DAB1: variants seen among roughly 807,000 people sequenced by gnomAD.
DAB1 encodes the protein DAB adaptor protein 1.
DAB1 carries 15 observed loss-of-function variants against 64.6 expected under a neutral mutation model. The observed-to-expected ratio is 0.23, with a 90% CI of 0.16 to 0.36. The LOEUF (loss-of-function observed/expected upper bound fraction) is 0.36. DAB1 is among the 10% of genes least tolerant of loss of function. DAB1 has a pLI of 1.00. For synonymous variants in DAB1, 235 were observed against 251.9 expected (o/e 0.93, Z 0.64); for missense variants, 596 against 706.7 (o/e 0.84, Z 1.78).
intron 2 of DAB1, among the ~76,000 whole-genome samples, chr1:58,526,369 A>G (rs545415235): frequency 2.8e-4 from 43 of 152,258 alleles, no homozygotes; most frequent in African/African-American, 9.6e-4. Flanking sequence ...AATAGTTTTA[A>G]TAACTACCAG....
chr1:58,392,282 C>T (rs2100556112), intron 3 of DAB1, among the ~76,000 whole-genome samples: 1 of 152,316 alleles, frequency 6.6e-6, no homozygotes, highest in East Asian at 1.9e-4. Flanking sequence ...CACGTTTAAC[C>T]ACAGTGACCT....
intron 1 of DAB1, among the ~76,000 whole-genome samples, chr1:57,338,233 C>T (rs115307559): frequency 0.014 from 2,171 of 152,202 alleles, 36 homozygotes; most frequent in Middle Eastern, 0.034. Context: ...GATCTGCCCA[C>T]CTCACCCACC....
chr1:57,379,232 C>A (rs967598807), intron 1 of DAB1, among the ~76,000 whole-genome samples: 1 of 152,042 alleles, frequency 6.6e-6, no homozygotes, highest in Non-Finnish European at 1.5e-5. Flanking sequence ...ACATAGGTCT[C>A]CACTGCTTAA....
chr1:57,923,647 T>A lies in DAB1; in HGVS notation n.388-39485A>T, dbSNP rs549053299. ...CAGTTCCTGAGCCATGCTGAATGAA[T>A]GAAGGAAGGAACAAAAGCAGGGAAT... On this transcript the variant is annotated intron_variant and non_coding_transcript_variant, in intron 5 of 20. Coordinates refer to the DAB1 transcript ENST00000485760. 5.9e-5 allele frequency among the ~76,000 whole-genome samples: 9 copies of A among 152,286 alleles called. No homozygotes were observed. In the South Asian group the frequency reaches 1.9e-3, roughly 32 times the overall value.
rs372420355 is a variant in DAB1, at chr1:58,467,421, G to A, written n.257+38639C>T. On this transcript the variant is annotated intron_variant and non_coding_transcript_variant, in intron 3 of 20. Transcript: ENST00000485760. ...CCTGCCATCTCTCTCCCCAGTCCCC[G>A]TTTTCTCTTCTCCTGATTATTAAAA... 2.3e-3 allele frequency among the ~76,000 whole-genome samples: 346 copies of A among 152,196 alleles called. 3 individuals carry two copies. The South Asian group carries it at 0.053, about 23-fold the overall frequency.
At chr1:58,097,116 C>T (rs764336571) in intron 5 of DAB1, among the ~76,000 whole-genome samples, 1 of 152,324 alleles carries the variant, frequency 6.6e-6, no homozygotes, top group Middle Eastern at 3.4e-3. Flanking sequence ...TAATTGACAA[C>T]ATTTATGTGC....
chr1:58,473,338 C>T (rs1021090828), intron 3 of DAB1, among the ~76,000 whole-genome samples: 16 of 151,350 alleles, frequency 1.1e-4, no homozygotes, highest in Admixed American at 3.3e-4. Flanking sequence ...GTCAGGAGAT[C>T]GAGACCATCC....
chr1:57,581,181 T>C (rs1645307830), intron 7 of DAB1, among the ~76,000 whole-genome samples: 1 of 152,244 alleles, frequency 6.6e-6, no homozygotes, highest in Non-Finnish European at 1.5e-5. Context: ...AGACAATTTC[T>C]TCACTTGACA....
intron 2 of DAB1, among the ~76,000 whole-genome samples, chr1:57,178,600 A>G (rs1475040284): frequency 6.6e-6 from 1 of 152,198 alleles, no homozygotes; most frequent in East Asian, 1.9e-4. Context: ...AGTATTATGA[A>G]AGACAGGAGA....
intron 1 of DAB1, among the ~76,000 whole-genome samples, chr1:57,311,068 ATTTGAAAATGTC>A (rs1461535487): frequency 5.3e-5 from 8 of 152,114 alleles, no homozygotes; most frequent in Non-Finnish European, 1.2e-4. Flanking sequence ...CAGAACTCAG[ATTTGAAAATGTC>A]TTTGTGACCC....
chr1:58,320,955 G>A (rs1662667738), intron 4 of DAB1, among the ~76,000 whole-genome samples: 2 of 152,308 alleles, frequency 1.3e-5, no homozygotes, highest in Middle Eastern at 3.4e-3. Context: ...CTTTGGCAGT[G>A]ATTGAACCTA....
At chr1:58,417,968 G>A (rs1185909353) in intron 3 of DAB1, among the ~76,000 whole-genome samples, 1 of 152,108 alleles carries the variant, frequency 6.6e-6, no homozygotes, top group African/African-American at 2.4e-5. Flanking sequence ...ACACTTCTCA[G>A]GGCTGGACCC....
chr1:57,993,649 T>C (rs1279588934), intron 5 of DAB1, among the ~76,000 whole-genome samples: 1 of 152,148 alleles, frequency 6.6e-6, no homozygotes, highest in African/African-American at 2.4e-5. Context: ...ACGGTTTTAG[T>C]GGAATGAGGA....
At chr1:58,122,181 G>C (rs1482147981) in intron 5 of DAB1, among the ~76,000 whole-genome samples, 1 of 152,226 alleles carries the variant, frequency 6.6e-6, no homozygotes, top group Non-Finnish European at 1.5e-5. Flanking sequence ...TGGAACCAAA[G>C]AGAATATCTT....
At chr1:58,402,886 G>A (rs1344342734) in intron 3 of DAB1, among the ~76,000 whole-genome samples, 1 of 152,210 alleles carries the variant, frequency 6.6e-6, no homozygotes, top group Non-Finnish European at 1.5e-5. Context: ...TGCCTTTGAA[G>A]GCTGTGCGAC....
chr1:57,616,409 A>G (rs1252306734), intron 7 of DAB1, among the ~76,000 whole-genome samples: 4 of 152,126 alleles, frequency 2.6e-5, no homozygotes, highest in Non-Finnish European at 2.9e-5. Context: ...TCTTTTTTTA[A>G]TGCTTAGAAT....
At chr1:57,754,137 G>C (rs1489106421) in intron 6 of DAB1, among the ~76,000 whole-genome samples, 1 of 152,124 alleles carries the variant, frequency 6.6e-6, no homozygotes, top group Middle Eastern at 3.2e-3. Flanking sequence ...CTGGAGAAAA[G>C]GGGGCAGATT....
intron 3 of DAB1, among the ~76,000 whole-genome samples, chr1:58,444,447 C>G (rs1329112472): frequency 6.6e-6 from 1 of 152,250 alleles, no homozygotes; most frequent in Admixed American, 6.5e-5. Flanking sequence ...TGGACTTGAA[C>G]TAGGTGGCCT....
At chr1:58,095,362 G>A (rs1650917757) in intron 5 of DAB1, among the ~76,000 whole-genome samples, 1 of 152,116 alleles carries the variant, frequency 6.6e-6, no homozygotes, top group South Asian at 2.1e-4. Flanking sequence ...CACCACAAGG[G>A]ATCGGTATAA....
Sources: gnomAD v4.1 joint callset for allele counts (sites outside exome capture counted in the v4.1 genomes callset) on GRCh38, gnomAD v4.1.1 for gene constraint, MANE v1.5 for transcripts, NCBI Gene and HGNC (gene_info 2026-07-23, HGNC 2026-07-21) for gene names.